The following EHD1 variants were observed in gnomAD, a reference collection of about 807,000 sequenced individuals.
The protein encoded by EHD1 is EH domain-containing protein 1.
A neutral mutation model predicts 39.0 loss-of-function variants in EHD1; 19 were observed. That is an observed-to-expected ratio of 0.49 (90% CI 0.34 to 0.72). The LOEUF is 0.72. Among genes scored for constraint, EHD1 ranks in the 30% least tolerant of loss-of-function variants. The pLI is 0.01. For missense variants in EHD1, 542 were observed against 751.5 expected (o/e 0.72, Z 3.26); for synonymous variants, 323 against 331.2 (o/e 0.98, Z 0.27).
At chr11:64,870,744 C>G (rs984470956) in intron 2 of EHD1, among the ~76,000 whole-genome samples, 7 of 152,212 alleles carry the variant, frequency 4.6e-5, no homozygotes, top group Admixed American at 1.3e-4. Flanking sequence ...GTCGGCAGCC[C>G]CTGGAGCCAA....
In EHD1 at chr11:64,852,071, T is replaced by C. The variant is rs1002606032; in HGVS notation, c.*2262A>G. Reference sequence around the variant, plus strand: ...GCACACAACTGGGTCCCTGAAACCCTCAGGAACTTGTTTCTGTCCTGCCTT... The same window carrying C: ...GCACACAACTGGGTCCCTGAAACCCCCAGGAACTTGTTTCTGTCCTGCCTT... On this transcript the variant is annotated 3_prime_UTR_variant, in exon 5 of 5. Transcript: ENST00000320631. The C allele has an allele frequency of 6.6e-6, 1 of 152,228 alleles. No homozygotes were observed. Among genetic ancestry groups the C allele is most frequent in the African/African-American group, 2.4e-5 (1 of 41,422 alleles). The allele number at this position is 152,228 out of a possible 1,614,324, so 9.4% of individuals were successfully genotyped here. A position where few individuals can be genotyped will look rare whatever the true frequency, so the allele number is the denominator to read the frequency against.
rs140079279 is a variant in EHD1, at chr11:64,859,821, T to G, written c.915+103A>C. 2.1e-3 allele frequency: 3,094 copies of G among 1,449,166 alleles called. 10 individuals are homozygous for G. The highest frequency in any genetic ancestry group is 4.7e-3 in the Admixed American group (185 of 39,140). The allele number at this position is 1,449,166 out of a possible 1,614,324, so 89.8% of individuals were successfully genotyped here. A position where few individuals can be genotyped will look rare whatever the true frequency, so the allele number is the denominator to read the frequency against. On this transcript the variant is annotated intron_variant, in intron 3 of 4. Transcript: ENST00000320631. ...GCGCAGTGCAGGTCTGCCTGTGAAGTGAGCTGGGAAGGGTCTCGGGCAATC... is the reference window on the plus strand; with the variant it reads ...GCGCAGTGCAGGTCTGCCTGTGAAGGGAGCTGGGAAGGGTCTCGGGCAATC...
At chr11:64,870,843 G>A (rs549282069) in intron 2 of EHD1, among the ~76,000 whole-genome samples, 12 of 152,328 alleles carry the variant, frequency 7.9e-5, no homozygotes, top group Admixed American at 6.5e-4. Context: ...AGCCCCCAGA[G>A]GCCACCTTTC....
chr11:64,878,606 G>A lies in EHD1; in HGVS notation c.-142C>T, dbSNP rs192174612. ...CAGGCGCACAGCCCAGCCCGTCGAA[G>A]CGCCCTCTGCCGAATGCTGCGCACC... On this transcript the variant is annotated 5_prime_UTR_variant, in exon 1 of 5. Transcript: ENST00000320631. 4.2e-6 allele frequency: 6 copies of A among 1,422,570 alleles called. No homozygotes were observed. In the African/African-American group the frequency reaches 5.9e-5, roughly 14 times the overall value. The allele number at this position is 1,422,570 out of a possible 1,614,324, so 88.1% of individuals were successfully genotyped here.
intron 2 of EHD1, among the ~76,000 whole-genome samples, chr11:64,873,868 G>A (rs1393354619): frequency 6.6e-6 from 1 of 151,358 alleles, no homozygotes; most frequent in African/African-American, 2.4e-5. Context: ...TAGTAGAGAT[G>A]GGGTTTCACT....
At chr11:64,864,927 G>C (rs1007006838) in intron 2 of EHD1, among the ~76,000 whole-genome samples, 16 of 152,276 alleles carry the variant, frequency 1.1e-4, no homozygotes, top group African/African-American at 3.1e-4. Flanking sequence ...GGGAAAGAGA[G>C]AAAAAGGAGG....
intron 2 of EHD1, among the ~76,000 whole-genome samples, chr11:64,862,725 C>A (rs931655965): frequency 6.6e-6 from 1 of 152,074 alleles, no homozygotes; most frequent in African/African-American, 2.4e-5. Context: ...AGCAAAATCC[C>A]GACTCTACAA....
intron 2 of EHD1, among the ~76,000 whole-genome samples, chr11:64,872,180 T>C (rs1205295277): frequency 1.3e-5 from 2 of 152,132 alleles, no homozygotes; most frequent in African/African-American, 2.4e-5. Flanking sequence ...GGTGGAAGGA[T>C]CACTTGAGCC....
intron 2 of EHD1, among the ~76,000 whole-genome samples, chr11:64,864,947 A>C (rs1029573388): frequency 1.3e-5 from 2 of 152,152 alleles, no homozygotes; most frequent in African/African-American, 2.4e-5. Context: ...GGGAAGGAAG[A>C]AAGAAGAGTG....
At chr11:64,860,377 C>A (rs938959498) in intron 2 of EHD1, 41 bp from the exon 3 acceptor site, 1 of 1,576,042 alleles carries the variant, frequency 6.3e-7, no homozygotes, top group African/African-American at 1.4e-5. Context: ...CGCCAAGGGA[C>A]CTGCTGCTCT....
At chr11:64,871,421 C>T (rs1943829585) in intron 2 of EHD1, among the ~76,000 whole-genome samples, 1 of 152,206 alleles carries the variant, frequency 6.6e-6, no homozygotes, top group Non-Finnish European at 1.5e-5. Context: ...TCCACTCCTC[C>T]TGTGTACACC....
chr11:64,874,390 A>T, intron 2 of EHD1, 31 bp downstream of exon 2: 1 of 1,561,512 alleles, frequency 6.4e-7, no homozygotes, highest in Non-Finnish European at 8.7e-7. Context: ...TGACAACACC[A>T]GCAGCCCGAG....
chr11:64,869,349 C>T (rs753374570), intron 2 of EHD1, among the ~76,000 whole-genome samples: 2 of 152,188 alleles, frequency 1.3e-5, no homozygotes, highest in Admixed American at 6.5e-5. Context: ...CCAGGTGGGG[C>T]GAGCAGAGGG....
At chr11:64,870,762 A>G (rs1203306891) in intron 2 of EHD1, among the ~76,000 whole-genome samples, 1 of 152,120 alleles carries the variant, frequency 6.6e-6, no homozygotes, top group Non-Finnish European at 1.5e-5. Context: ...CAAGGGCACC[A>G]CCCCTGCCGG....
intron 3 of EHD1, among the ~76,000 whole-genome samples, chr11:64,858,993 C>T (rs1234266958): frequency 6.6e-6 from 1 of 152,266 alleles, no homozygotes; most frequent in South Asian, 2.1e-4. Context: ...TGTCTCCTCA[C>T]GAGCTGCTTC....
chr11:64,873,594 C>T (rs886538283), intron 2 of EHD1, among the ~76,000 whole-genome samples: 18 of 151,972 alleles, frequency 1.2e-4, no homozygotes, highest in Admixed American at 9.8e-4. Flanking sequence ...CCCAGGGAGC[C>T]AAGAAAGAAA....
At chr11:64,866,963 G>A (rs1943774150) in intron 2 of EHD1, among the ~76,000 whole-genome samples, 1 of 152,150 alleles carries the variant, frequency 6.6e-6, no homozygotes. Context: ...GAGCCACGAG[G>A]GGAGCTGGTG....
intron 3 of EHD1, chr11:64,856,703 G>A (rs752673247): frequency 2.0e-5 from 3 of 152,384 alleles, no homozygotes; most frequent in Non-Finnish European, 4.4e-5. Context: ...TGCCATGTGG[G>A]TCTGGATCTA....
intron 2 of EHD1, among the ~76,000 whole-genome samples, chr11:64,869,276 A>T (rs1205946411): frequency 6.6e-6 from 1 of 152,272 alleles, no homozygotes; most frequent in Non-Finnish European, 1.5e-5. Context: ...CGCCCCCAGC[A>T]GAGGCTGAGG....
Sources: allele counts gnomAD v4.1 joint callset (sites outside exome capture counted in the v4.1 genomes callset), GRCh38; gene constraint gnomAD v4.1.1; transcripts MANE v1.5; gene names NCBI Gene and HGNC (gene_info 2026-07-23, HGNC 2026-07-21).